SYVN1: variants seen among roughly 807,000 people sequenced by gnomAD.
The protein encoded by SYVN1 is E3 ubiquitin-protein ligase synoviolin.
Under a neutral mutation model 62.6 loss-of-function variants are expected in SYVN1, and 17 were observed. That is an observed-to-expected ratio of 0.27 (90% CI 0.19 to 0.41). The LOEUF (loss-of-function observed/expected upper bound fraction) is 0.41. Among genes scored for constraint, SYVN1 ranks in the 10% least tolerant of loss-of-function variants. The pLI, the probability that SYVN1 is intolerant of heterozygous loss-of-function variation, is 1.00. For missense variants in SYVN1, 634 were observed against 818.0 expected (o/e 0.78, Z 2.74); for synonymous variants, 316 against 304.0 (o/e 1.04, Z -0.41).
chr11:65,134,067 G>A (rs1948215976), intron 1 of SYVN1, among the ~76,000 whole-genome samples: 1 of 152,264 alleles, frequency 6.6e-6, no homozygotes, highest in Admixed American at 6.5e-5. Flanking sequence ...GACAGCGCCG[G>A]TGACAGCTGT....
At position 65,128,281 on chromosome 11, in the gene SYVN1, C is replaced by T; in HGVS notation, c.*101G>A. 1.0e-6 allele frequency: 1 copy of T among 977,636 alleles called. No individual in the cohort carries two copies. Among genetic ancestry groups the T allele is most frequent in the Non-Finnish European group, 1.6e-6 (1 of 640,394 alleles). The allele number at this position is 977,636 out of a possible 1,614,324, so 60.6% of individuals were successfully genotyped here. On this transcript the variant is annotated 3_prime_UTR_variant, in exon 16 of 16. Coordinates refer to ENST00000377190, the MANE Select transcript of SYVN1 (RefSeq NM_172230.3). Reference sequence around the variant, plus strand: ...CTCTTTCTCAGAGCTGGGGGTACTACTCCCTGGTGCAGACAGAGAGGGAGC... The same window carrying T: ...CTCTTTCTCAGAGCTGGGGGTACTATTCCCTGGTGCAGACAGAGAGGGAGC...
intron 6 of SYVN1, 90 bp from the exon 7 acceptor site, chr11:65,131,686 G>T: frequency 1.3e-6 from 2 of 1,500,536 alleles, no homozygotes; most frequent in East Asian, 2.3e-5. Flanking sequence ...CACAGCAGGT[G>T]CAGTGGTACA....
rs775781420 is a variant in SYVN1, at chr11:65,131,507, G to A, written c.621C>T (p.Asn207=). The A allele has an allele frequency of 6.2e-7, 1 of 1,613,880 alleles. No homozygotes were observed. Among genetic ancestry groups the A allele is most frequent in the Non-Finnish European group, 8.5e-7 (1 of 1,179,982 alleles). ...CTGTGTAGAGCATGTACACAGCCTT[G>A]TTGTCCCAGGGGTTCTCACTCTGGA... The part of the protein sequence containing the change: ...VDLQSENPWD[N]KAVYMLYTEL... Residue 207 remains asparagine (N), a synonymous_variant, in exon 7 of 16, where the codon AAC becomes AAT. Coordinates refer to ENST00000377190, the MANE Select transcript of SYVN1 (RefSeq NM_172230.3).
rs200426045 is a variant in SYVN1 at position 65,130,163 on chromosome 11, C to T, written c.1247G>A (p.Arg416Gln). Residue 416 changes from arginine to glutamine, a missense_variant, in exon 13 of 16, where the codon CGG (arginine) becomes CAG (glutamine). Transcript: ENST00000377190. ...PPSTSAAALS[R>Q]PSGAATTTAA... ...TGTGGTTGTAGCTGCTCCACTGGGC[C>T]GAGAAAGGGCTGCTGAAGAGCAGGA... 18 of 1,604,574 alleles carry T rather than the reference C, an allele frequency of 1.1e-5. No individual in the cohort carries two copies. The highest frequency in any genetic ancestry group is 1.4e-5 in the Non-Finnish European group (16 of 1,175,006).
At position 65,129,713 on chromosome 11, in the gene SYVN1, C is replaced by G; in HGVS notation, c.1595+16G>C. The G allele has an allele frequency of 1.2e-6, 2 of 1,612,852 alleles. No individual in the cohort carries two copies. Among genetic ancestry groups the G allele is most frequent in the Non-Finnish European group, 1.7e-6 (2 of 1,178,968 alleles). ...TGACCCACCAAACCCACTCTGCTTC[C>G]CCTGTACAGACACACCCCAAGGAGG... On this transcript the variant is annotated intron_variant, in intron 14 of 15. Transcript: ENST00000377190.
chr11:65,132,810 G>C, intron 4 of SYVN1, 30 bp from the exon 5 acceptor site: 1 of 1,613,638 alleles, frequency 6.2e-7, no homozygotes, highest in African/African-American at 1.3e-5. Flanking sequence ...AGGCCTGTCA[G>C]GAGGCCTGGG....
chr11:65,128,950 G>A (rs1948139626), intron 14 of SYVN1: 1 of 549,382 alleles, frequency 1.8e-6, no homozygotes, highest in Non-Finnish European at 3.2e-6. Context: ...CTGTTGACCT[G>A]TTCACTCTTA....
chr11:65,133,052 T>C lies in SYVN1; in HGVS notation c.248A>G (p.Tyr83Cys). The change falls in exon 4 of 16, where the codon TAC (tyrosine) becomes TGC (cysteine). Residue 83 changes from tyrosine to cysteine, a missense_variant. This residue lies in a region of SYVN1 where 283 missense variants were observed against 444.7 expected (regional missense o/e 0.64). Coordinates refer to ENST00000377190, the MANE Select transcript of SYVN1 (RefSeq NM_172230.3). ...EMEHLLERSWYAVTETCLAFT... is the reference protein window; with the variant it reads ...EMEHLLERSWCAVTETCLAFT... Reference sequence around the variant, plus strand: ...GGCCAGACAAGTCTCTGTGACGGCGTACCAGGAACGTTCCAGAAGGTGCTG... The same window carrying C: ...GGCCAGACAAGTCTCTGTGACGGCGCACCAGGAACGTTCCAGAAGGTGCTG... The C allele has an allele frequency of 6.2e-7, 1 of 1,614,158 alleles. No individual in the cohort carries two copies. The highest frequency in any genetic ancestry group is 8.5e-7 in the Non-Finnish European group (1 of 1,180,030).
intron 6 of SYVN1, among the ~76,000 whole-genome samples, chr11:65,132,034 T>G (rs116631661): frequency 0.011 from 1,690 of 152,198 alleles, 32 homozygotes; most frequent in African/African-American, 0.038. Flanking sequence ...GAGCCCCAGG[T>G]TGGGGCTCCT....
rs755136015 is a variant in SYVN1, at chr11:65,128,470, G to C, written c.1766C>G (p.Thr589Arg). The change falls in exon 16 of 16, where the codon ACA (threonine) becomes AGA (arginine). Residue 589 changes from threonine (T) to arginine (R), a missense_variant. Coordinates refer to ENST00000377190, the MANE Select transcript of SYVN1 (RefSeq NM_172230.3). The stretch of plus-strand genomic sequence containing the variant: ...CTCTCCATCCTCAGGCATCTCCTCT[G>C]TGCCCACTGACTCAGGAGCTGGGGA... ...ERPPAPESVGTEEMPEDGEPD... is the reference protein window; with the variant it reads ...ERPPAPESVGREEMPEDGEPD... 6.2e-6 allele frequency: 10 copies of C among 1,614,056 alleles called. No homozygotes were observed. Among genetic ancestry groups the C allele is most frequent in the African/African-American group, 1.3e-5 (1 of 74,944 alleles).
rs769410129 is a variant in SYVN1 at position 65,128,423 on chromosome 11, G to A, written c.1813C>T (p.Arg605Trp). 1.1e-5 allele frequency: 17 copies of A among 1,613,864 alleles called. No individual in the cohort carries two copies. Among genetic ancestry groups the A allele is most frequent in the Middle Eastern group, 1.7e-4 (1 of 6,018 alleles). ...DGEPDAAELR[R>W]RRLQKLESPV... Reference sequence around the variant, plus strand: ...GACTCCAGCTTCTGCAGGCGGCGCCGGCGGAGCTCTGCTGCATCGGGCTCT... The same window carrying A: ...GACTCCAGCTTCTGCAGGCGGCGCCAGCGGAGCTCTGCTGCATCGGGCTCT... The change falls in exon 16 of 16, where the codon CGG becomes TGG. Residue 605 changes from arginine (R) to tryptophan (W), a missense_variant. Physicochemically the swap from Arg to Trp is moderately radical, Grantham distance 101. This residue lies in a region of SYVN1 where 351 missense variants were observed against 373.3 expected (regional missense o/e 0.94). Coordinates refer to ENST00000377190, the MANE Select transcript of SYVN1 (RefSeq NM_172230.3).
In SYVN1 at chr11:65,131,433, G is replaced by A. The variant is rs754748277; in HGVS notation, c.658+37C>T. 2.5e-6 allele frequency: 4 copies of A among 1,613,974 alleles called. No individual in the cohort carries two copies. In the Admixed American group the frequency reaches 5.0e-5, roughly 20 times the overall value. ...AGGGCCAGGAGGCAGAGTGGAGGAT[G>A]CTGGTCCAGATCAGGAGAGGCCCAG... On this transcript the variant is annotated intron_variant, in intron 7 of 15. Coordinates refer to ENST00000377190, the MANE Select transcript of SYVN1 (RefSeq NM_172230.3).
rs775202634 is a variant in SYVN1 at position 65,128,424 on chromosome 11, G to A, written c.1812C>T (p.Arg604=). The A allele has an allele frequency of 8.1e-6, 13 of 1,614,058 alleles. No individual in the cohort carries two copies. In the South Asian group the frequency reaches 1.4e-4, roughly 18 times the overall value. Residue 604 remains arginine (R), a synonymous_variant, in exon 16 of 16, where the codon CGC becomes CGT. Transcript: ENST00000377190. ...EDGEPDAAEL[R]RRRLQKLESP... The stretch of plus-strand genomic sequence containing the variant: ...ACTCCAGCTTCTGCAGGCGGCGCCG[G>A]CGGAGCTCTGCTGCATCGGGCTCTC...
At chr11:65,132,404 G>C in intron 5 of SYVN1, 53 bp from the exon 6 acceptor site, 1 of 1,244,078 alleles carries the variant, frequency 8.0e-7, no homozygotes, top group Non-Finnish European at 1.2e-6. Flanking sequence ...GGGCCCAACA[G>C]CTGTTTAATG....
At position 65,132,961 on chromosome 11, in the gene SYVN1, G is replaced by T. The variant is rs144188698; in HGVS notation, c.339C>A (p.Leu113=). 10 of 1,614,068 alleles carry T rather than the reference G, an allele frequency of 6.2e-6. No individual in the cohort carries two copies. Among genetic ancestry groups the T allele is most frequent in the African/African-American group, 2.7e-5 (2 of 74,920 alleles). ...CCTCAGCCAGCCAGTGGAAACATTT[G>T]AGGAAGAGAAGAAGAGTGAAGAGTG... ...FVALFTLLLF[L]KCFHWLAEDR... The change falls in exon 4 of 16, where the codon CTC becomes CTA. Residue 113 remains leucine, a synonymous_variant. Transcript: ENST00000377190.
At chr11:65,131,849 C>G (rs900252173) in intron 6 of SYVN1, among the ~76,000 whole-genome samples, 9 of 152,152 alleles carry the variant, frequency 5.9e-5, no homozygotes. Context: ...ATAAGAGATG[C>G]AGGTCAGGAG....
chr11:65,130,569 C>G, intron 11 of SYVN1, 91 bp downstream of exon 11: 1 of 1,457,914 alleles, frequency 6.9e-7, no homozygotes, highest in Non-Finnish European at 9.1e-7. Flanking sequence ...TTCTGGAGGG[C>G]AGGGACTCTC....
In SYVN1 at chr11:65,133,577, C is replaced by T; in HGVS notation, c.25G>A (p.Ala9Thr). 6.2e-7 allele frequency: 1 copy of T among 1,611,682 alleles called. No homozygotes were observed. The stretch of plus-strand genomic sequence containing the variant: ...GCCCCGGTCAGCGCCAGGCTGGCCG[C>T]CATCATCACTGCCGTGCGGAACATT... MFRTAVMM[A>T]ASLALTGAVV... The change falls in exon 2 of 16, where the codon GCG becomes ACG. Residue 9 changes from alanine (A) to threonine (T), a missense_variant. Coordinates refer to ENST00000377190, the MANE Select transcript of SYVN1 (RefSeq NM_172230.3).
intron 8 of SYVN1, 22 bp from the exon 9 acceptor site, chr11:65,131,219 G>C: frequency 6.2e-7 from 1 of 1,614,050 alleles, no homozygotes; most frequent in South Asian, 1.1e-5. Flanking sequence ...GTCAGTGAAA[G>C]CAGGAGAAGG....
Sources: allele counts gnomAD v4.1 joint callset (sites outside exome capture counted in the v4.1 genomes callset), GRCh38; gene constraint gnomAD v4.1.1; regional missense constraint gnomAD v4.1.1; transcripts MANE v1.5; gene names NCBI Gene and HGNC (gene_info 2026-07-23, HGNC 2026-07-21).